The following WDR70 variants were observed in gnomAD, a reference collection of about 807,000 sequenced individuals.
The protein encoded by WDR70 is WD repeat-containing protein 70.
In WDR70, 53 loss-of-function variants were observed where a neutral mutation model predicts 88.6. The observed-to-expected ratio is 0.60, with a 90% CI of 0.48 to 0.75. The LOEUF is 0.75. WDR70 is among the 30% of genes least tolerant of loss of function. The pLI is 0.00. For missense variants in WDR70, 610 were observed against 823.2 expected (o/e 0.74, Z 3.17); for synonymous variants, 280 against 270.0 (o/e 1.04, Z -0.36).
chr5:37,415,015 T>A (rs1447080726), intron 5 of WDR70, among the ~76,000 whole-genome samples: 1 of 151,084 alleles, frequency 6.6e-6, no homozygotes, highest in African/African-American at 2.5e-5. Flanking sequence ...AAGCATCTGT[T>A]TAACAAAGCA....
intron 10 of WDR70, among the ~76,000 whole-genome samples, chr5:37,690,689 T>A (rs536059469): frequency 4.2e-4 from 64 of 152,288 alleles, no homozygotes; most frequent in Admixed American, 1.2e-3. Flanking sequence ...AGGCCTGCCT[T>A]AAAAGACCTC....
intron 13 of WDR70, among the ~76,000 whole-genome samples, chr5:37,715,981 C>G (rs1401717334): frequency 6.6e-6 from 1 of 152,134 alleles, no homozygotes; most frequent in Non-Finnish European, 1.5e-5. Flanking sequence ...GTCTGTAACT[C>G]TAAGACTGCC....
At chr5:37,403,322 G>T (rs1306098435) in intron 5 of WDR70, among the ~76,000 whole-genome samples, 5 of 152,130 alleles carry the variant, frequency 3.3e-5, no homozygotes, top group African/African-American at 2.4e-5. Flanking sequence ...ACACATCTAA[G>T]ATAAAACTTA....
intron 9 of WDR70, among the ~76,000 whole-genome samples, chr5:37,602,345 A>C (rs1324384282): frequency 2.0e-5 from 3 of 152,016 alleles, no homozygotes; most frequent in Non-Finnish European, 2.9e-5. Context: ...GTGGTGGCTC[A>C]CGCCTGTAAT....
At position 37,557,901 on chromosome 5, in the gene WDR70, A is replaced by ATACTCTTTTGAAAACTCTTCAAAAGAG. The variant is rs1183020797; in HGVS notation, c.917+41324_917+41350dup. 4.5e-4 allele frequency among the ~76,000 whole-genome samples: 14 copies of ATACTCTTTTGAAAACTCTTCAAAAGAG among 30,810 alleles called. 1 individual carries two copies. Among genetic ancestry groups the ATACTCTTTTGAAAACTCTTCAAAAGAG allele is most frequent in the African/African-American group, 1.2e-3 (11 of 9,138 alleles). The allele number at this position is 30,810 out of a possible 152,430, so 20.2% of individuals were successfully genotyped here. ...TAATTTAGTTTTCCTCTTCAGATTT[A>ATACTCTTTTGAAAACTCTTCAAAAGAG]TACTCTTTTGAAAACTCTTCAAAAG... On this transcript the variant is annotated intron_variant, in intron 9 of 17. Transcript: ENST00000265107.
chr5:37,704,712 T>A (rs1747270279), intron 13 of WDR70, among the ~76,000 whole-genome samples: 1 of 152,150 alleles, frequency 6.6e-6, no homozygotes, highest in African/African-American at 2.4e-5. Context: ...GCTCTTAATA[T>A]TAATTGAATG....
intron 3 of WDR70, among the ~76,000 whole-genome samples, chr5:37,388,562 A>G (rs1258113651): frequency 6.7e-6 from 1 of 148,796 alleles, no homozygotes; most frequent in Non-Finnish European, 1.5e-5. Flanking sequence ...CAACATGGTG[A>G]AACCCCATCT....
intron 8 of WDR70, among the ~76,000 whole-genome samples, chr5:37,505,407 T>C (rs1740529639): frequency 1.3e-5 from 2 of 152,172 alleles, no homozygotes; most frequent in South Asian, 2.1e-4. Flanking sequence ...TGAGTGGAAC[T>C]TGCCTCTGGT....
chr5:37,682,064 T>G (rs1746451868), intron 10 of WDR70, among the ~76,000 whole-genome samples: 1 of 152,172 alleles, frequency 6.6e-6, no homozygotes, highest in Admixed American at 6.5e-5. Flanking sequence ...GGTCCTGGGC[T>G]TGGTTTGTCT....
At chr5:37,684,591 G>A (rs546405837) in intron 10 of WDR70, among the ~76,000 whole-genome samples, 2 of 152,306 alleles carry the variant, frequency 1.3e-5, no homozygotes, top group East Asian at 1.9e-4. Flanking sequence ...CCGACTCCCG[G>A]ACTGCATGCT....
At chr5:37,559,879 A>C (rs1432162866) in intron 9 of WDR70, among the ~76,000 whole-genome samples, 1 of 151,934 alleles carries the variant, frequency 6.6e-6, no homozygotes, top group East Asian at 1.9e-4. Flanking sequence ...AAGCCTTAGG[A>C]AATTATGAAT....
chr5:37,712,835 G>A (rs564419060), intron 13 of WDR70, among the ~76,000 whole-genome samples: 1 of 152,136 alleles, frequency 6.6e-6, no homozygotes, highest in East Asian at 1.9e-4. Flanking sequence ...TCTAATAGCT[G>A]GGATTACAAG....
intron 7 of WDR70, among the ~76,000 whole-genome samples, chr5:37,469,674 A>C (rs1272990699): frequency 6.6e-6 from 1 of 152,058 alleles, no homozygotes; most frequent in Non-Finnish European, 1.5e-5. Flanking sequence ...TGCTGTAGTT[A>C]CTCTTTGCGT....
intron 13 of WDR70, among the ~76,000 whole-genome samples, chr5:37,712,652 A>G (rs573031111): frequency 1.5e-3 from 230 of 152,296 alleles, no homozygotes; most frequent in Non-Finnish European, 2.6e-3. Context: ...TATAGTACTT[A>G]TCACTTTGTT....
chr5:37,383,680 T>A (rs1481569649), intron 3 of WDR70, among the ~76,000 whole-genome samples: 1 of 151,832 alleles, frequency 6.6e-6, no homozygotes, highest in African/African-American at 2.4e-5. Context: ...CCCGGGTTCA[T>A]GCCATTCTCC....
At chr5:37,386,401 C>T (rs192787981) in intron 3 of WDR70, among the ~76,000 whole-genome samples, 95 of 152,180 alleles carry the variant, frequency 6.2e-4, no homozygotes, top group African/African-American at 2.2e-3. Flanking sequence ...AATCTAGGCT[C>T]ACTGCAACCT....
intron 16 of WDR70, among the ~76,000 whole-genome samples, chr5:37,726,012 T>C (rs1747959866): frequency 6.6e-6 from 1 of 152,152 alleles, no homozygotes; most frequent in South Asian, 2.1e-4. Flanking sequence ...TGTCCCCAAA[T>C]ACCCATTGAA....
chr5:37,726,886 G>T lies in WDR70; in HGVS notation c.1718G>T (p.Arg573Leu). The change falls in exon 17 of 18, where the codon CGT becomes CTT. Residue 573 changes from arginine (R) to leucine (L), a missense_variant. Arg to Leu is a moderately radical substitution (Grantham distance 102). Transcript: ENST00000265107. Reference sequence around the variant, plus strand: ...GGTTTTTTTTCTTTTGCAATAGGTCGTGGTGGCCGAGTTGGAACCCACGGG... The same window carrying T: ...GGTTTTTTTTCTTTTGCAATAGGTCTTGGTGGCCGAGTTGGAACCCACGGG... ...KPEPPVAGPG[R>L]GGRVGTHGGT... 6.3e-7 allele frequency: 1 copy of T among 1,581,266 alleles called. No homozygotes were observed. The highest frequency in any genetic ancestry group is 8.6e-7 in the Non-Finnish European group (1 of 1,168,550).
At chr5:37,587,513 A>G (rs1160645135) in intron 9 of WDR70, among the ~76,000 whole-genome samples, 2 of 151,848 alleles carry the variant, frequency 1.3e-5, no homozygotes, top group African/African-American at 4.8e-5. Context: ...TCACACCTCT[A>G]TAGAATCCTT....
Sources: gnomAD v4.1 joint callset for allele counts (sites outside exome capture counted in the v4.1 genomes callset) on GRCh38, gnomAD v4.1.1 for gene constraint, MANE v1.5 for transcripts, NCBI Gene and HGNC (gene_info 2026-07-23, HGNC 2026-07-21) for gene names.